The following PLXNA1 variants were observed in gnomAD, a reference collection of about 807,000 sequenced individuals.
PLXNA1 encodes the protein plexin A1, also known as plexin-A1.
PLXNA1 carries 77 observed loss-of-function variants against 191.7 expected under a neutral mutation model. The observed-to-expected ratio is 0.40, with a 90% confidence interval of 0.33 to 0.49. The LOEUF (loss-of-function observed/expected upper bound fraction) is 0.49, where lower values mean the gene tolerates loss of function less well. Among genes scored for constraint, PLXNA1 ranks in the 20% least tolerant of loss-of-function variants. PLXNA1 has a pLI of 0.63. For synonymous variants in PLXNA1, 1,137 were observed against 1,156.4 expected, an observed-to-expected ratio of 0.98 and a Z score of 0.34; for missense variants, 2,110 against 2,660.2, an observed-to-expected ratio of 0.79 and a Z score of 4.55.
At chr3:126,999,499 C>T (rs1338448502) in intron 3 of PLXNA1, among the ~76,000 whole-genome samples, 1 of 152,338 alleles carries the variant, frequency 6.6e-6, no homozygotes, top group South Asian at 2.1e-4. Flanking sequence ...GCCGGGCAGC[C>T]CCCTGCCTCC....
At position 127,017,752 on chromosome 3, in the gene PLXNA1, C is replaced by T. The variant is rs371091022; in HGVS notation, c.3520C>T (p.Arg1174Trp). The T allele has an allele frequency of 5.8e-5, 94 of 1,613,282 alleles. No homozygotes were observed. The highest frequency in any genetic ancestry group is 4.2e-4 in the East Asian group (19 of 44,870). Residue 1174 changes from arginine (R) to tryptophan (W), a missense_variant, in exon 19 of 32, where the codon CGG (arginine) becomes TGG (tryptophan). Arg to Trp is a moderately radical substitution (Grantham distance 101). Transcript: ENST00000393409. ...GGCTCACCCCCATCTCCTACAGGGCCGGAACCTCTTGCCACCTGCACCCGG... is the reference window on the plus strand; with the variant it reads ...GGCTCACCCCCATCTCCTACAGGGCTGGAACCTCTTGCCACCTGCACCCGG... ...KPSSPLILKG[R>W]NLLPPAPGNS...
Position 127,028,005 on chromosome 3 carries a change from C to T in PLXNA1, c.4428C>T (p.Pro1476=). Residue 1476 remains proline, a synonymous_variant, in exon 24 of 32, where the codon CCC becomes CCT. Coordinates refer to ENST00000393409, the MANE Select transcript of PLXNA1 (RefSeq NM_032242.4). ...CAIKQQMEKG[P]IDAITGEARY... Reference sequence around the variant, plus strand: ...TCAAGCAGCAGATGGAGAAGGGCCCCATTGACGCCATCACGGGTGAGGCAC... The same window carrying T: ...TCAAGCAGCAGATGGAGAAGGGCCCTATTGACGCCATCACGGGTGAGGCAC... 1 of 1,614,028 alleles carries T rather than the reference C, an allele frequency of 6.2e-7. No individual in the cohort carries two copies. Among genetic ancestry groups the T allele is most frequent in the Non-Finnish European group, 8.5e-7 (1 of 1,180,006 alleles).
Position 127,034,072 on chromosome 3 carries a change from C to T in PLXNA1, c.*55C>T, listed in dbSNP as rs573834725. On this transcript the variant is annotated 3_prime_UTR_variant, in exon 32 of 32. Transcript: ENST00000393409. ...AGCGTGAGGACAGCTGAGCAGGGAC[C>T]GGGACAGCCCTCACCGCATGCGTGT... is the stretch of plus-strand genomic sequence containing the variant. 145 of 1,463,656 alleles carry T rather than the reference C, an allele frequency of 9.9e-5. No individual in the cohort carries two copies. Among genetic ancestry groups the T allele is most frequent in the African/African-American group, 3.3e-4 (24 of 71,892 alleles). 90.7% of individuals were successfully genotyped at this position (1,463,656 alleles called of 1,614,324 possible).
Position 126,991,521 on chromosome 3 carries a change from C to A in PLXNA1, c.1332C>A (p.Gly444=), listed in dbSNP as rs756884176. 2 of 1,610,260 alleles carry A rather than the reference C, an allele frequency of 1.2e-6. No individual in the cohort carries two copies. The highest frequency in any genetic ancestry group is 1.7e-6 in the Non-Finnish European group (2 of 1,178,164). ...LTAVAAYDYR[G]RTVVFAGTRS... ...CCGTGGCTGCCTATGACTATCGGGG[C>A]CGCACTGTGGTATTCGCCGGCACGC... Residue 444 remains glycine, a synonymous_variant, in exon 3 of 32, where the codon GGC becomes GGA. Coordinates refer to ENST00000393409, the MANE Select transcript of PLXNA1 (RefSeq NM_032242.4).
At chr3:127,029,173 A>G in intron 26 of PLXNA1, 77 bp downstream of exon 26, 1 of 1,183,756 alleles carries the variant, frequency 8.4e-7, no homozygotes, top group East Asian at 2.4e-5. Flanking sequence ...CAATGTTTGC[A>G]GCATGTGGGC....
chr3:127,027,763 T>G, intron 23 of PLXNA1, 177 bp from the exon 24 acceptor site: 1 of 813,510 alleles, frequency 1.2e-6, no homozygotes, highest in Middle Eastern at 2.2e-4. Flanking sequence ...TTTCCTGATT[T>G]TCTTGCAGTC....
Position 127,017,806 on chromosome 3 carries a change from A to G in PLXNA1, c.3574A>G (p.Ile1192Val), listed in dbSNP as rs747148568. The change falls in exon 19 of 32, where the codon ATC becomes GTC. Residue 1192 changes from isoleucine (I) to valine (V), a missense_variant. Transcript: ENST00000393409. Reference protein sequence around the residue: ...GNSRLNYTVLIGSTPCTLTVS... With the variant: ...GNSRLNYTVLVGSTPCTLTVS... ...CTCCCGACTCAACTACACGGTGCTC[A>G]TCGGCTCCACACCCTGTACCCTCAC... is the stretch of plus-strand genomic sequence containing the variant. The G allele has an allele frequency of 2.5e-6, 4 of 1,612,628 alleles. No individual in the cohort carries two copies. The highest frequency in any genetic ancestry group is 2.7e-5 in the African/African-American group (2 of 74,890).
chr3:127,018,509 G>A lies in PLXNA1; in HGVS notation c.3876G>A (p.Val1292=), dbSNP rs2079136802. Residue 1292 remains valine, a synonymous_variant, in exon 20 of 32, where the codon GTG becomes GTA. Transcript: ENST00000393409. ...AGATGGACAACCTGGAGTCCCGCGT[G>A]GCCCTCGAATGCAAGGAAGGTCTGT... ...QLQMDNLESR[V]ALECKEAFAE... is the part of the protein sequence containing the mutation. 2 of 1,609,984 alleles carry A rather than the reference G, an allele frequency of 1.2e-6. No homozygotes were observed. Among genetic ancestry groups the A allele is most frequent in the Middle Eastern group, 1.7e-4 (1 of 6,052 alleles).
chr3:126,990,970 T>G (rs1293489292), intron 2 of PLXNA1, among the ~76,000 whole-genome samples: 2 of 152,114 alleles, frequency 1.3e-5, no homozygotes, highest in African/African-American at 4.8e-5. Context: ...CCATGTGGCC[T>G]AGCCCTGGCC....
At chr3:127,028,463 G>A in intron 25 of PLXNA1, 123 bp downstream of exon 25, 2 of 1,136,498 alleles carry the variant, frequency 1.8e-6, no homozygotes, top group South Asian at 1.6e-5. Flanking sequence ...GGTCTGGAGG[G>A]CAGTGGAATG....
chr3:127,028,522 G>A (rs1156740308), intron 25 of PLXNA1, among the ~76,000 whole-genome samples, 182 bp downstream of exon 25: 3 of 152,178 alleles, frequency 2.0e-5, no homozygotes, highest in African/African-American at 7.2e-5. Context: ...TGGCTGCCCT[G>A]CTCTGGGCAG....
chr3:126,988,722 C>G lies in PLXNA1; in HGVS notation c.129C>G (p.Thr43=), dbSNP rs2078973875. 3.8e-6 allele frequency: 6 copies of G among 1,579,094 alleles called. No individual in the cohort carries two copies. The highest frequency in any genetic ancestry group is 3.4e-5 in the Admixed American group (2 of 58,518). Residue 43 remains threonine, a synonymous_variant, in exon 2 of 32, where the codon ACC becomes ACG. Coordinates refer to ENST00000393409, the MANE Select transcript of PLXNA1 (RefSeq NM_032242.4). ...GGGGTTCACAGCCCCCCTTCCGCAC[C>G]TTCTCGGCCAGCGACTGGGGCCTCA... The part of the protein sequence containing the change: ...AGGGSQPPFR[T]FSASDWGLTH...
chr3:127,011,820 G>GT, intron 9 of PLXNA1, 138 bp from the exon 10 acceptor site: 1 of 808,086 alleles, frequency 1.2e-6, no homozygotes, highest in Non-Finnish European at 2.1e-6. Flanking sequence ...GCGGTCCTCA[G>GT]TTTGCCAGTG....
chr3:127,011,760 G>A (rs1446331607), intron 9 of PLXNA1, among the ~76,000 whole-genome samples, 198 bp from the exon 10 acceptor site: 1 of 152,234 alleles, frequency 6.6e-6, no homozygotes, highest in Non-Finnish European at 1.5e-5. Context: ...TCAGGGGCCA[G>A]AGGTAATAGA....
chr3:127,029,004 G>A lies in PLXNA1; in HGVS notation c.4681G>A (p.Gly1561Ser). The change falls in exon 26 of 32, where the codon GGC (glycine) becomes AGC (serine). Residue 1561 changes from glycine to serine, a missense_variant. By Grantham distance (56) the Gly-to-Ser change is moderately conservative. Around this residue, in one of 4 missense-constraint regions of PLXNA1, gnomAD observed 559 missense variants for 911.5 expected, o/e 0.61. Transcript: ENST00000393409. Reference protein sequence around the residue: ...AADMDLEWRQGRMARIILQDE... With the variant: ...AADMDLEWRQSRMARIILQDE... ...CCCTCCTCCCCCAGAGTGGCGCCAG[G>A]GCCGCATGGCGCGCATCATCCTGCA... 2 of 1,612,716 alleles carry A rather than the reference G, an allele frequency of 1.2e-6. No homozygotes were observed. The highest frequency in any genetic ancestry group is 1.7e-6 in the Non-Finnish European group (2 of 1,179,814).
At position 127,014,891 on chromosome 3, in the gene PLXNA1, G is replaced by C. The variant is rs1236067322; in HGVS notation, c.2877+60G>C. ...TGCTGCTCTGAGAGGGTGCCGCTCA[G>C]GGCTTCTGTGCCTCTTCAGGGCCCC... is the stretch of plus-strand genomic sequence containing the variant. On this transcript the variant is annotated intron_variant, in intron 14 of 31. Transcript: ENST00000393409. 2.5e-6 allele frequency: 4 copies of C among 1,576,378 alleles called. No homozygotes were observed. In the African/African-American group the frequency reaches 5.4e-5, roughly 21 times the overall value.
In PLXNA1 at chr3:127,005,024, C is replaced by T. The variant is rs1474895472; in HGVS notation, c.1743+16C>T. 6.2e-7 allele frequency: 1 copy of T among 1,608,720 alleles called. No homozygotes were observed. Among genetic ancestry groups the T allele is most frequent in the South Asian group, 1.1e-5 (1 of 90,802 alleles). On this transcript the variant is annotated intron_variant, in intron 6 of 31. Transcript: ENST00000393409. ...CCAGGTCCCAGTAAGTGTGGCACCC[C>T]AGGTGGTAAGGGGTGGGGGACAGCC... is the stretch of plus-strand genomic sequence containing the variant.
At chr3:127,003,301 G>A (rs1279289795) in intron 3 of PLXNA1, 29 bp from the exon 4 acceptor site, 2 of 1,567,498 alleles carry the variant, frequency 1.3e-6, no homozygotes, top group Non-Finnish European at 1.7e-6. Flanking sequence ...TATCAGCACA[G>A]CTCCAGTTAG....
At position 127,014,164 on chromosome 3, in the gene PLXNA1, C is replaced by T. The variant is rs764680705; in HGVS notation, c.2411-18C>T. On this transcript the variant is annotated intron_variant, in intron 11 of 31. Transcript: ENST00000393409. ...TGGGCAGTGGGCGGGCCCGAGCTGA[C>T]CGCACCCCTCCCCACAGCGCACCTC... is the stretch of plus-strand genomic sequence containing the variant. The T allele has an allele frequency of 1.9e-6, 3 of 1,611,894 alleles. No individual in the cohort carries two copies. The Admixed American group carries it at 5.0e-5, about 27-fold the overall frequency.
Sources: gnomAD v4.1 joint callset for allele counts (sites outside exome capture counted in the v4.1 genomes callset) on GRCh38, gnomAD v4.1.1 for gene constraint, gnomAD v4.1.1 regional missense constraint, MANE v1.5 for transcripts, NCBI Gene and HGNC (gene_info 2026-07-23, HGNC 2026-07-21) for gene names.